Variants in PDE4C observed in about 807,000 individuals in gnomAD.
PDE4C encodes the protein phosphodiesterase 4C, also known as 3',5'-cyclic-AMP phosphodiesterase 4C.
PDE4C carries 50 observed loss-of-function variants against 63.9 expected under a neutral mutation model. The ratio of observed to expected loss-of-function variants is 0.78; its 90% CI spans 0.62 to 0.99. The LOEUF is 0.99. PDE4C is among the 50% of genes least tolerant of loss of function. The pLI is 0.00. For missense variants in PDE4C, 777 were observed against 899.1 expected, an observed-to-expected ratio of 0.86 and a Z score of 1.74; for synonymous variants, 377 against 385.1, an observed-to-expected ratio of 0.98 and a Z score of 0.25.
At chr19:18,251,985 C>T (rs1395066611), upstream of PDE4C, 14 of 398,094 alleles carry the variant, frequency 3.5e-5, no homozygotes, top group African/African-American at 1.0e-4. Context: ...GCTGTACCTC[C>T]CCCTGGTGGT....
In PDE4C at chr19:18,243,072, G is replaced by A. The variant is rs536033031; in HGVS notation, c.-210+5099C>T. 5.3e-5 allele frequency among the ~76,000 whole-genome samples: 8 copies of A among 152,154 alleles called. No individual in the cohort carries two copies. In the South Asian group the frequency reaches 6.2e-4, roughly 12 times the overall value. On this transcript the variant is annotated intron_variant, in intron 1 of 15. Transcript: ENST00000594617. The stretch of plus-strand genomic sequence containing the variant: ...GGGCTGAAAGACAGGCCATAGCCAC[G>A]GGGTGTGAGAAAGAGAAGATTCAAG...
At chr19:18,217,051 T>G in intron 11 of PDE4C, 156 bp from the exon 12 acceptor site, 1 of 743,848 alleles carries the variant, frequency 1.3e-6, no homozygotes, top group Non-Finnish European at 2.1e-6. Flanking sequence ...TCCCTGGCGC[T>G]TCCCTGACTG....
At chr19:18,218,076 T>G in intron 11 of PDE4C, 73 bp downstream of exon 11, 26 of 1,146,570 alleles carry the variant, frequency 2.3e-5, no homozygotes, top group Non-Finnish European at 3.1e-5. Context: ...GGGAACCCCC[T>G]GAGATCACCT....
chr19:18,219,904 G>A (rs558520672), intron 7 of PDE4C, among the ~76,000 whole-genome samples: 1 of 151,830 alleles, frequency 6.6e-6, no homozygotes, highest in African/African-American at 2.4e-5. Context: ...AAACCCTTCT[G>A]CTAGGCTTGG....
chr19:18,232,839 C>T, intron 1 of PDE4C: 2 of 1,261,814 alleles, frequency 1.6e-6, no homozygotes. Flanking sequence ...CAGCCTCAAC[C>T]AAGCAGCAGA....
upstream of PDE4C, chr19:18,237,016 G>A (rs533849496): frequency 4.9e-4 from 75 of 152,816 alleles, no homozygotes; most frequent in African/African-American, 1.8e-3. Flanking sequence ...CCACCACCAA[G>A]GGGGCTCACA....
chr19:18,219,352 G>A, exon 8 of PDE4C: 2 of 1,613,540 alleles, frequency 1.2e-6, no homozygotes, highest in Non-Finnish European at 1.7e-6. Flanking sequence ...GGGCTGTGGG[G>A]CCTCCTCAGC....
At chr19:18,228,225 G>T, upstream of PDE4C, among the ~76,000 whole-genome samples, 1 of 151,892 alleles carries the variant, frequency 6.6e-6, no homozygotes, top group East Asian at 1.9e-4. Context: ...TGTCCCCAAG[G>T]AGAAACCGAG....
At chr19:18,212,580 T>A (rs1968004315) in intron 13 of PDE4C, among the ~76,000 whole-genome samples, 1 of 151,050 alleles carries the variant, frequency 6.6e-6, no homozygotes, top group African/African-American at 2.4e-5. Flanking sequence ...CCTCAAGCAA[T>A]CCTCACACCT....
chr19:18,239,500 T>C (rs1969004782), intron 1 of PDE4C, among the ~76,000 whole-genome samples: 2 of 152,124 alleles, frequency 1.3e-5, no homozygotes, highest in African/African-American at 2.4e-5. Flanking sequence ...CTCAGAGGTG[T>C]TGATGATAAA....
At chr19:18,221,774 G>T (rs1017122497) in intron 2 of PDE4C, among the ~76,000 whole-genome samples, 1 of 151,998 alleles carries the variant, frequency 6.6e-6, no homozygotes, top group African/African-American at 2.4e-5. Context: ...ACAGGCGCGC[G>T]CCACCACACC....
At chr19:18,252,616 C>CTT (rs34071282), upstream of PDE4C, 19 of 300,000 alleles carry the variant, frequency 6.3e-5, 1 homozygote, top group African/African-American at 1.1e-4. Context: ...TTCTCTCTCT[C>CTT]TTTTTTTTTT....
Position 18,213,543 on chromosome 19 carries a change from C to G in PDE4C, c.1390-53G>C. 4.5e-6 allele frequency: 7 copies of G among 1,567,526 alleles called. No homozygotes were observed. In the South Asian group the frequency reaches 8.1e-5, roughly 18 times the overall value. On this transcript the variant is annotated intron_variant, in intron 12 of 14. Coordinates refer to ENST00000262805, the Ensembl canonical transcript of PDE4C. ...GCGCGAGGACCCTGCCCACCCCAAC[C>G]CTCACTCCCAACTCCCAGATGCCAC...
exon 9 of PDE4C, chr19:18,218,951 T>C (rs1166806857): frequency 1.2e-6 from 2 of 1,613,232 alleles, no homozygotes; most frequent in Admixed American, 1.7e-5. Flanking sequence ...TGAAAAATGC[T>C]GAATATGATA....
chr19:18,224,320 CG>C (rs1968629813), intron 1 of PDE4C: 1 of 985,366 alleles, frequency 1.0e-6, no homozygotes, highest in East Asian at 1.1e-4. Flanking sequence ...AGCTCCCGGC[CG>C]AGGGCCAGTG....
At chr19:18,252,489 G>T (rs1969242284), upstream of PDE4C, 1 of 385,090 alleles carries the variant, frequency 2.6e-6, no homozygotes, top group African/African-American at 2.7e-5. Flanking sequence ...GAAAAACTGG[G>T]CGCGGTGGCT....
At chr19:18,226,228 G>C in intron 1 of PDE4C, 42 bp downstream of exon 1, 3 of 1,491,962 alleles carry the variant, frequency 2.0e-6, no homozygotes, top group South Asian at 2.4e-5. Flanking sequence ...CCTCCACACC[G>C]GGCGTCCCGG....
chr19:18,224,828 C>T (rs1968657891), intron 1 of PDE4C, among the ~76,000 whole-genome samples: 1 of 152,210 alleles, frequency 6.6e-6, no homozygotes, highest in Non-Finnish European at 1.5e-5. Flanking sequence ...TGGGGTGCGC[C>T]GTGGGCGCTG....
exon 1 of PDE4C, chr19:18,226,411 T>C: frequency 7.0e-7 from 1 of 1,435,586 alleles, no homozygotes; most frequent in Non-Finnish European, 9.1e-7. Flanking sequence ...GGGGGGGCCC[T>C]GCATCGCCAG....
Sources: allele counts gnomAD v4.1 joint callset (sites outside exome capture counted in the v4.1 genomes callset), GRCh38; gene constraint gnomAD v4.1.1; transcripts MANE v1.5; gene names NCBI Gene and HGNC (gene_info 2026-07-23, HGNC 2026-07-21).